DESI2: variants seen among roughly 807,000 people sequenced by gnomAD.
The protein encoded by DESI2 is deubiquitinase DESI2.
In DESI2, 10 loss-of-function variants were observed where a neutral mutation model predicts 24.1. That is an observed-to-expected ratio of 0.41 (90% CI 0.26 to 0.70). The LOEUF is 0.70. Among genes scored for constraint, DESI2 ranks in the 30% least tolerant of loss-of-function variants. DESI2 has a pLI of 0.29. For missense variants in DESI2, 122 were observed against 234.9 expected (o/e 0.52, Z 3.14); for synonymous variants, 71 against 87.7 (o/e 0.81, Z 1.06).
intron 1 of DESI2, among the ~76,000 whole-genome samples, chr1:244,674,668 TGTG>T (rs1676355834): frequency 6.6e-6 from 1 of 152,246 alleles, no homozygotes; most frequent in African/African-American, 2.4e-5. Context: ...GGTTCATTCC[TGTG>T]GTAGCATGCA....
At chr1:244,702,555 T>TTGG (rs1449750959) in intron 4 of DESI2, among the ~76,000 whole-genome samples, 4 of 152,106 alleles carry the variant, frequency 2.6e-5, no homozygotes, top group African/African-American at 7.2e-5. Context: ...TGACCAAGGA[T>TTGG]TGGTACACTT....
chr1:244,689,152 A>G lies in DESI2; in HGVS notation c.116-97A>G, dbSNP rs927644994. The stretch of plus-strand genomic sequence containing the variant: ...ATTTTATAAACTGAAAAATATTTAG[A>G]TGGTGTCACTGTTATCCTCAATTAT... On this transcript the variant is annotated intron_variant, in intron 2 of 4. Transcript: ENST00000302550. The surrounding 1 kb of genome is among the most constrained non-coding windows in gnomAD (Gnocchi z 4.0). 1.5e-6 allele frequency: 1 copy of G among 665,756 alleles called. No individual in the cohort carries two copies. The highest frequency in any genetic ancestry group is 4.2e-4 in the Middle Eastern group (1 of 2,392). 41.2% of individuals were successfully genotyped at this position (665,756 alleles called of 1,614,324 possible).
At position 244,653,228 on chromosome 1, in the gene DESI2, C is replaced by T. The variant is rs1558646120; in HGVS notation, c.-86C>T. ...ACGCTTAGTGCCCGGCTCAGGCCCC[C>T]TGAAGCGCCCGCGGGGGTGAGAGCG... On this transcript the variant is annotated 5_prime_UTR_variant, in exon 1 of 5. Transcript: ENST00000302550. 3.6e-6 allele frequency: 5 copies of T among 1,390,772 alleles called. No individual in the cohort carries two copies. The East Asian group carries it at 8.4e-5, about 23-fold the overall frequency. 86.2% of individuals were successfully genotyped at this position (1,390,772 alleles called of 1,614,324 possible). A position where few individuals can be genotyped will look rare whatever the true frequency, so the allele number is the denominator to read the frequency against.
chr1:244,670,256 A>G (rs970845978), intron 1 of DESI2, among the ~76,000 whole-genome samples: 2 of 152,190 alleles, frequency 1.3e-5, no homozygotes, highest in Admixed American at 6.5e-5. Context: ...CACACCCGGC[A>G]GAATATAAAT....
chr1:244,704,494 G>T (rs987079620), intron 4 of DESI2, among the ~76,000 whole-genome samples: 5 of 152,148 alleles, frequency 3.3e-5, no homozygotes, highest in Non-Finnish European at 5.9e-5. Context: ...CAGGAAGTGG[G>T]CAACTATAGA....
intron 1 of DESI2, among the ~76,000 whole-genome samples, chr1:244,659,258 T>A (rs550937764): frequency 6.6e-6 from 1 of 152,288 alleles, no homozygotes; most frequent in East Asian, 1.9e-4. Context: ...TATGTACATT[T>A]GTTTTCTATT....
chr1:244,662,450 T>G (rs367711897), intron 1 of DESI2, among the ~76,000 whole-genome samples: 3 of 152,214 alleles, frequency 2.0e-5, no homozygotes, highest in Non-Finnish European at 4.4e-5. Context: ...ACTAAACTTA[T>G]AAATTAACTT....
intron 1 of DESI2, among the ~76,000 whole-genome samples, chr1:244,678,538 G>A (rs918892012): frequency 1.3e-5 from 2 of 152,102 alleles, no homozygotes; most frequent in Non-Finnish European, 2.9e-5. Context: ...TCTTTTTCAT[G>A]AATATCTTTC....
At chr1:244,665,768 T>C (rs1253601051) in intron 1 of DESI2, among the ~76,000 whole-genome samples, 3 of 152,224 alleles carry the variant, frequency 2.0e-5, no homozygotes, top group Non-Finnish European at 4.4e-5. Context: ...ACATCACCTC[T>C]TCCCTGAATC....
intron 1 of DESI2, among the ~76,000 whole-genome samples, chr1:244,676,500 A>G (rs77158889): frequency 6.6e-6 from 1 of 152,068 alleles, no homozygotes; most frequent in East Asian, 1.9e-4. Context: ...CATCTGCAAA[A>G]TGAGATAATT....
At position 244,703,744 on chromosome 1, in the gene DESI2, C is replaced by T. The variant is rs182832135; in HGVS notation, c.352-1812C>T. On this transcript the variant is annotated intron_variant, in intron 4 of 4. Coordinates refer to ENST00000302550, the MANE Select transcript of DESI2 (RefSeq NM_016076.5). ...TGCGATCTCGGCTCACTGCAAGCTC[C>T]GCCTCCCAGATTCACGCCATTCTCC... Among the ~76,000 whole-genome samples the T allele has an allele frequency of 4.6e-3, 692 of 151,632 alleles. 6 individuals are homozygous for T. Among genetic ancestry groups the T allele is most frequent in the South Asian group, 4.8e-3 (23 of 4,782 alleles).
At chr1:244,653,582 T>G (rs1009123345) in intron 1 of DESI2, 13 of 527,978 alleles carry the variant, frequency 2.5e-5, no homozygotes, top group Non-Finnish European at 3.9e-5. Context: ...AAAGCTCGGG[T>G]GGGCTTGAAC....
intron 1 of DESI2, among the ~76,000 whole-genome samples, chr1:244,658,059 C>T (rs1056971345): frequency 3.3e-5 from 5 of 152,144 alleles, no homozygotes; most frequent in Admixed American, 1.3e-4. Context: ...TTATTTAAAT[C>T]GGTTACTTTA....
chr1:244,707,672 A>G lies in DESI2; in HGVS notation c.*1883A>G, dbSNP rs960521609. On this transcript the variant is annotated 3_prime_UTR_variant, in exon 5 of 5. Transcript: ENST00000302550. Reference sequence around the variant, plus strand: ...TAATGTGAGGAGTACAGTGTTTTCTAATTCATTCAAGTATATATGATTTAA... The same window carrying G: ...TAATGTGAGGAGTACAGTGTTTTCTGATTCATTCAAGTATATATGATTTAA... 1 of 150,648 alleles carries G rather than the reference A, an allele frequency of 6.6e-6. No individual in the cohort carries two copies. The allele number at this position is 150,648 out of a possible 1,614,324, so 9.3% of individuals were successfully genotyped here.
rs150264460 is a variant in DESI2 at position 244,676,685 on chromosome 1, T to G, written c.43-9912T>G. ...TCACCGTTAAGTATGATATTAGCTG[T>G]GAGGTTTTTCATAGATGTTCTTTAT... On this transcript the variant is annotated intron_variant, in intron 1 of 4. Transcript: ENST00000302550. Among the ~76,000 whole-genome samples, 1,071 of 151,284 alleles carry G rather than the reference T, an allele frequency of 7.1e-3. 14 individuals carry two copies. The highest frequency in any genetic ancestry group is 0.025 in the African/African-American group (1,019 of 41,378).
At chr1:244,697,963 A>G (rs549024468) in intron 4 of DESI2, among the ~76,000 whole-genome samples, 2 of 152,302 alleles carry the variant, frequency 1.3e-5, no homozygotes, top group East Asian at 3.9e-4. Context: ...CATTCCAGAT[A>G]GGGTCTCCTC....
intron 1 of DESI2, among the ~76,000 whole-genome samples, chr1:244,660,758 C>G (rs1424428827): frequency 6.6e-6 from 1 of 152,002 alleles, no homozygotes; most frequent in Non-Finnish European, 1.5e-5. Context: ...ACTAATTGGC[C>G]CCACATTATT....
chr1:244,694,658 AC>A, intron 4 of DESI2: 3 of 788,710 alleles, frequency 3.8e-6, no homozygotes, highest in Non-Finnish European at 7.0e-6. Flanking sequence ...CCTTAGAGCC[AC>A]AGCAGTGGCA....
chr1:244,699,897 G>T (rs1234922396), intron 4 of DESI2, among the ~76,000 whole-genome samples: 2 of 152,162 alleles, frequency 1.3e-5, no homozygotes, highest in Non-Finnish European at 2.9e-5. Context: ...AGCCTGCTGA[G>T]CCTGTGCTCA....
Sources: gnomAD v4.1 joint callset for allele counts (sites outside exome capture counted in the v4.1 genomes callset) on GRCh38, gnomAD v4.1.1 for gene constraint, Gnocchi (gnomAD v3.1) non-coding constraint, MANE v1.5 for transcripts, NCBI Gene and HGNC (gene_info 2026-07-23, HGNC 2026-07-21) for gene names.